C1orf210: variants seen among roughly 807,000 people sequenced by gnomAD.
C1orf210 encodes chromosome 1 open reading frame 210.
A neutral mutation model predicts 3.7 loss-of-function variants in C1orf210; 3 were observed. The observed-to-expected ratio is 0.81, with a 90% CI of 0.37 to 2.08. C1orf210 has a LOEUF of 2.08. C1orf210 is among the 30% of genes most tolerant of loss of function. The pLI, the probability that C1orf210 is intolerant of heterozygous loss-of-function variation, is 0.06. For missense variants in C1orf210, 143 were observed against 147.7 expected, an observed-to-expected ratio of 0.97 and a Z score of 0.17; for synonymous variants, 62 against 61.7, an observed-to-expected ratio of 1.00 and a Z score of -0.02.
intron 1 of C1orf210, among the ~76,000 whole-genome samples, chr1:43,284,973 G>T (rs1268546084): frequency 1.3e-5 from 2 of 152,224 alleles, no homozygotes; most frequent in South Asian, 4.1e-4. Flanking sequence ...GCTCCCCGTG[G>T]GCAACGGCTG....
intron 1 of C1orf210, among the ~76,000 whole-genome samples, chr1:43,284,901 A>G (rs7550786): frequency 0.33 from 50,180 of 152,058 alleles, 10,319 homozygotes; most frequent in African/African-American, 0.58. Context: ...CCTACCCTGG[A>G]TGACCTGTCA....
chr1:43,284,116 T>C (rs994244299), intron 1 of C1orf210, among the ~76,000 whole-genome samples: 1 of 152,084 alleles, frequency 6.6e-6, no homozygotes, highest in Non-Finnish European at 1.5e-5. Context: ...TGGGGACACC[T>C]AGAGGAGGAA....
In C1orf210 at chr1:43,282,117, T is replaced by C. The variant is rs1214372364; in HGVS notation, c.*668A>G. 6.6e-6 allele frequency: 1 copy of C among 152,022 alleles called. No individual in the cohort carries two copies. The highest frequency in any genetic ancestry group is 1.9e-4 in the East Asian group (1 of 5,144). The allele number at this position is 152,022 out of a possible 1,614,324, so 9.4% of individuals were successfully genotyped here. On this transcript the variant is annotated 3_prime_UTR_variant, in exon 3 of 3. Coordinates refer to ENST00000523677, the MANE Select transcript of C1orf210 (RefSeq NM_182517.3). ...TCGTCTCTACTAAAAATATAAAAATTAGCTGGGCGTGGTGGCGGATGCCTG... is the reference window on the plus strand; with the variant it reads ...TCGTCTCTACTAAAAATATAAAAATCAGCTGGGCGTGGTGGCGGATGCCTG...
rs143735190 is a variant in C1orf210, at chr1:43,283,260, G to C, written c.11C>G (p.Thr4Arg). 2.2e-5 allele frequency: 35 copies of C among 1,613,660 alleles called. No individual in the cohort carries two copies. The highest frequency in any genetic ancestry group is 2.9e-5 in the Non-Finnish European group (34 of 1,179,866). Residue 4 changes from threonine (T) to arginine (R), a missense_variant, in exon 2 of 3, where the codon ACA becomes AGA. Coordinates refer to ENST00000523677, the MANE Select transcript of C1orf210 (RefSeq NM_182517.3). MNE[T>R]NKTLVGPSEL... Reference sequence around the variant, plus strand: ...CTCCCACTGTCACTCACTTTTGTTTGTCTCATTCATGGAGGGGCCTGATGA... The same window carrying C: ...CTCCCACTGTCACTCACTTTTGTTTCTCTCATTCATGGAGGGGCCTGATGA...
chr1:43,282,713 G>A lies in C1orf210; in HGVS notation c.*72C>T. The A allele has an allele frequency of 7.0e-7, 1 of 1,426,286 alleles. No homozygotes were observed. The highest frequency in any genetic ancestry group is 9.6e-7 in the Non-Finnish European group (1 of 1,045,652). 88.4% of individuals were successfully genotyped at this position (1,426,286 alleles called of 1,614,324 possible). On this transcript the variant is annotated 3_prime_UTR_variant, in exon 3 of 3. Coordinates refer to ENST00000523677, the MANE Select transcript of C1orf210 (RefSeq NM_182517.3). ...GCCACCTCTGTCCCTGAGGTTCAAG[G>A]CCCCCATGTCATAACCACTGTCCTT...
rs74469123 is a variant in C1orf210 at position 43,282,417 on chromosome 1, A to C, written c.*368T>G. The stretch of plus-strand genomic sequence containing the variant: ...TAGGCAGGGGGACCAATGTGAGCAA[A>C]GGTGCCTGGGGAAACTGCATGGGAA... On this transcript the variant is annotated 3_prime_UTR_variant, in exon 3 of 3. Coordinates refer to ENST00000523677, the MANE Select transcript of C1orf210 (RefSeq NM_182517.3). 5 of 204,282 alleles carry C rather than the reference A, an allele frequency of 2.4e-5. No homozygotes were observed. The highest frequency in any genetic ancestry group is 9.3e-5 in the African/African-American group (4 of 43,164). The allele number at this position is 204,282 out of a possible 1,614,324, so 12.7% of individuals were successfully genotyped here.
intron 1 of C1orf210, among the ~76,000 whole-genome samples, chr1:43,284,771 C>T (rs920098317): frequency 6.6e-6 from 1 of 152,198 alleles, no homozygotes; most frequent in African/African-American, 2.4e-5. Flanking sequence ...CAGACAGACA[C>T]ACATGCCCTC....
At chr1:43,283,637 C>T (rs1035338971) in intron 1 of C1orf210, among the ~76,000 whole-genome samples, 1 of 152,188 alleles carries the variant, frequency 6.6e-6, no homozygotes, top group Non-Finnish European at 1.5e-5. Context: ...GCATCATGCT[C>T]ACAAAACCCA....
chr1:43,284,970 G>A (rs1646570968), intron 1 of C1orf210, among the ~76,000 whole-genome samples: 1 of 152,218 alleles, frequency 6.6e-6, no homozygotes, highest in Non-Finnish European at 1.5e-5. Flanking sequence ...GCAGCTCCCC[G>A]TGGGCAACGG....
In C1orf210 at chr1:43,282,695, C is replaced by T; in HGVS notation, c.*90G>A. 1 of 1,340,178 alleles carries T rather than the reference C, an allele frequency of 7.5e-7. No individual in the cohort carries two copies. Among genetic ancestry groups the T allele is most frequent in the Non-Finnish European group, 1.0e-6 (1 of 973,068 alleles). The allele number at this position is 1,340,178 out of a possible 1,614,324, so 83.0% of individuals were successfully genotyped here. A position where few individuals can be genotyped will look rare whatever the true frequency, so the allele number is the denominator to read the frequency against. ...GCCAACCTTTAAGCCCCAGCCACCT[C>T]TGTCCCTGAGGTTCAAGGCCCCCAT... is the stretch of plus-strand genomic sequence containing the variant. On this transcript the variant is annotated 3_prime_UTR_variant, in exon 3 of 3. Transcript: ENST00000523677.
Position 43,282,752 on chromosome 1 carries a change from T to A in C1orf210, c.*33A>T. 1 of 1,531,562 alleles carries A rather than the reference T, an allele frequency of 6.5e-7. No homozygotes were observed. The highest frequency in any genetic ancestry group is 8.9e-7 in the Non-Finnish European group (1 of 1,123,376). 94.9% of individuals were successfully genotyped at this position (1,531,562 alleles called of 1,614,324 possible). A position where few individuals can be genotyped will look rare whatever the true frequency, so the allele number is the denominator to read the frequency against. ...ACCACTGTCCTTAAGCTGTCAGGCA[T>A]GGAGGGAGTGGGGAGGGTCTAAAGA... On this transcript the variant is annotated 3_prime_UTR_variant, in exon 3 of 3. Transcript: ENST00000523677.
In C1orf210 at chr1:43,285,477, C is replaced by T. The variant is rs1330393759; in HGVS notation, c.-132G>A. On this transcript the variant is annotated 5_prime_UTR_variant, in exon 1 of 3. Transcript: ENST00000523677. ...TGATGTGTAGCTTCCTTCCTGCTGC[C>T]AGAAGCCCCTTGGGTACTGTGCAGA... 6.6e-6 allele frequency: 1 copy of T among 152,472 alleles called. No homozygotes were observed. The highest frequency in any genetic ancestry group is 2.4e-5 in the African/African-American group (1 of 41,452). 9.4% of individuals were successfully genotyped at this position (152,472 alleles called of 1,614,324 possible).
At chr1:43,284,425 AC>A (rs370253891) in intron 1 of C1orf210, among the ~76,000 whole-genome samples, 8 of 149,862 alleles carry the variant, frequency 5.3e-5, no homozygotes, top group African/African-American at 1.7e-4. Context: ...GTGCCTTCAA[AC>A]CCCCCCCAAC....
In C1orf210 at chr1:43,281,937, C is replaced by T. The variant is rs1646549112; in HGVS notation, c.*848G>A. 1 of 152,014 alleles carries T rather than the reference C, an allele frequency of 6.6e-6. No individual in the cohort carries two copies. Among genetic ancestry groups the T allele is most frequent in the African/African-American group, 2.4e-5 (1 of 41,384 alleles). The allele number at this position is 152,014 out of a possible 1,614,324, so 9.4% of individuals were successfully genotyped here. On this transcript the variant is annotated 3_prime_UTR_variant, in exon 3 of 3. Coordinates refer to ENST00000523677, the MANE Select transcript of C1orf210 (RefSeq NM_182517.3). ...AATTCCTGTGAAAAACATATTATAA[C>T]CGGATTACCCACTTTATTTATAGGA... is the stretch of plus-strand genomic sequence containing the variant.
chr1:43,282,455 A>G lies in C1orf210; in HGVS notation c.*330T>C. ...AACTGCATGGGAAGTGGTGGGAGGG[A>G]GAATAACATTGATTTCGACAGTAAA... On this transcript the variant is annotated 3_prime_UTR_variant, in exon 3 of 3. Coordinates refer to ENST00000523677, the MANE Select transcript of C1orf210 (RefSeq NM_182517.3). 3.9e-6 allele frequency: 1 copy of G among 255,184 alleles called. No individual in the cohort carries two copies. The highest frequency in any genetic ancestry group is 8.4e-5 in the East Asian group (1 of 11,960). 15.8% of individuals were successfully genotyped at this position (255,184 alleles called of 1,614,324 possible).
rs1406240992 is a variant in C1orf210, at chr1:43,284,181, TAGG to T, written c.-98-816_-98-814del. Reference sequence around the variant, plus strand: ...GATCATCCAGGCATGGAAACACCTGTAGGAGGAGCACCTGGATCAAAGGAGTGT... The same window carrying T: ...GATCATCCAGGCATGGAAACACCTGTAGGAGCACCTGGATCAAAGGAGTGT... On this transcript the variant is annotated intron_variant, in intron 1 of 2. Coordinates refer to ENST00000523677, the MANE Select transcript of C1orf210 (RefSeq NM_182517.3). 2.0e-5 allele frequency among the ~76,000 whole-genome samples: 3 copies of T among 151,998 alleles called. No individual in the cohort carries two copies. The East Asian group carries it at 5.8e-4, about 29-fold the overall frequency.
intron 1 of C1orf210, 135 bp downstream of exon 1, chr1:43,285,309 G>T (rs1254927569): frequency 6.6e-6 from 1 of 152,308 alleles, no homozygotes. Context: ...TTCCAAGGGT[G>T]CATATACACT....
Position 43,282,592 on chromosome 1 carries a change from T to C in C1orf210, c.*193A>G. 3.4e-6 allele frequency: 2 copies of C among 595,042 alleles called. No homozygotes were observed. The highest frequency in any genetic ancestry group is 6.0e-6 in the Non-Finnish European group (2 of 335,718). The allele number at this position is 595,042 out of a possible 1,614,324, so 36.9% of individuals were successfully genotyped here. ...TTATCCTGAGAACAGCAGGGAACAG[T>C]TGAGAGTTATTGAGCAAGAGAGGGT... is the stretch of plus-strand genomic sequence containing the variant. On this transcript the variant is annotated 3_prime_UTR_variant, in exon 3 of 3. Coordinates refer to ENST00000523677, the MANE Select transcript of C1orf210 (RefSeq NM_182517.3).
chr1:43,282,741 G>A lies in C1orf210; in HGVS notation c.*44C>T, dbSNP rs1557429409. On this transcript the variant is annotated 3_prime_UTR_variant, in exon 3 of 3. Coordinates refer to ENST00000523677, the MANE Select transcript of C1orf210 (RefSeq NM_182517.3). ...CCCATGTCATAACCACTGTCCTTAA[G>A]CTGTCAGGCATGGAGGGAGTGGGGA... 4.6e-6 allele frequency: 7 copies of A among 1,508,550 alleles called. No individual in the cohort carries two copies. Among genetic ancestry groups the A allele is most frequent in the Non-Finnish European group, 6.3e-6 (7 of 1,106,888 alleles). The allele number at this position is 1,508,550 out of a possible 1,614,324, so 93.4% of individuals were successfully genotyped here. A position where few individuals can be genotyped will look rare whatever the true frequency, so the allele number is the denominator to read the frequency against.
Sources: gnomAD v4.1 joint callset for allele counts (sites outside exome capture counted in the v4.1 genomes callset) on GRCh38, gnomAD v4.1.1 for gene constraint, MANE v1.5 for transcripts, NCBI Gene and HGNC (gene_info 2026-07-23, HGNC 2026-07-21) for gene names.